The following GSK3B variants were observed in gnomAD, a reference collection of about 807,000 sequenced individuals.
GSK3B encodes the protein glycogen synthase kinase 3 beta, also known as glycogen synthase kinase-3 beta.
GSK3B carries 15 observed loss-of-function variants against 56.4 expected under a neutral mutation model. The ratio of observed to expected loss-of-function variants is 0.27; its 90% CI spans 0.18 to 0.41. GSK3B has a LOEUF of 0.41. Among genes scored for constraint, GSK3B ranks in the 10% least tolerant of loss-of-function variants. The pLI is 1.00. For synonymous variants in GSK3B, 181 were observed against 188.9 expected, an observed-to-expected ratio of 0.96 and a Z score of 0.34; for missense variants, 300 against 513.4, an observed-to-expected ratio of 0.58 and a Z score of 4.02.
chr3:120,046,512 T>A (rs956008442), intron 1 of GSK3B, among the ~76,000 whole-genome samples: 1 of 152,100 alleles, frequency 6.6e-6, no homozygotes, highest in Non-Finnish European at 1.5e-5. Flanking sequence ...TCTTAAAAAG[T>A]AAGAAAGAAA....
chr3:119,863,615 A>G lies in GSK3B; in HGVS notation c.910-10T>C. 2 of 1,533,742 alleles carry G rather than the reference A, an allele frequency of 1.3e-6. No homozygotes were observed. Among genetic ancestry groups the G allele is most frequent in the Non-Finnish European group, 1.8e-6 (2 of 1,110,680 alleles). On this transcript the variant is annotated splice_polypyrimidine_tract_variant and intron_variant, in intron 8 of 10. Coordinates refer to ENST00000264235, the MANE Select transcript of GSK3B (RefSeq NM_001146156.2). The stretch of plus-strand genomic sequence containing the variant: ...TTCGGGGTCGGAAGACCTGCAGTAC[A>G]AAAAAAGGGAAAGAACAATTAATGT...
At chr3:120,087,905 T>G (rs985431412) in intron 1 of GSK3B, among the ~76,000 whole-genome samples, 2 of 152,148 alleles carry the variant, frequency 1.3e-5, no homozygotes, top group Admixed American at 6.5e-5. Context: ...GTTTTGTTTT[T>G]TTTTTGAGAC....
chr3:119,874,372 C>T (rs2056283632), intron 8 of GSK3B, among the ~76,000 whole-genome samples: 1 of 151,926 alleles, frequency 6.6e-6, no homozygotes, highest in South Asian at 2.1e-4. Context: ...ACAACAATAA[C>T]TAATAATAAA....
At chr3:120,021,228 G>A (rs529596326) in intron 1 of GSK3B, among the ~76,000 whole-genome samples, 66 of 152,144 alleles carry the variant, frequency 4.3e-4, no homozygotes, top group East Asian at 7.7e-4. Context: ...ATGATTCAGC[G>A]GGTGCGGTGG....
In GSK3B at chr3:119,998,619, T is replaced by C. The variant is rs1222043066; in HGVS notation, c.282+3427A>G. Among the ~76,000 whole-genome samples, 4 of 151,816 alleles carry C rather than the reference T, an allele frequency of 2.6e-5. No individual in the cohort carries two copies. The East Asian group carries it at 7.7e-4, about 29-fold the overall frequency. On this transcript the variant is annotated intron_variant, in intron 2 of 10. Coordinates refer to ENST00000264235, the MANE Select transcript of GSK3B (RefSeq NM_001146156.2). ...AGGAAGACACACACTCTAAAAGGGG[T>C]AAAAAGGGTCACAACATGTAAAATG...
chr3:120,026,698 C>T (rs1250374710), intron 1 of GSK3B, among the ~76,000 whole-genome samples: 1 of 150,870 alleles, frequency 6.6e-6, no homozygotes, highest in Non-Finnish European at 1.5e-5. Context: ...GCTGGGATTA[C>T]AGGCGCGCAC....
At chr3:120,069,423 C>T (rs898729576) in intron 1 of GSK3B, among the ~76,000 whole-genome samples, 9 of 152,148 alleles carry the variant, frequency 5.9e-5, no homozygotes, top group South Asian at 4.1e-4. Context: ...ATAGCCTTCA[C>T]GGTACTGAAT....
intron 1 of GSK3B, among the ~76,000 whole-genome samples, chr3:120,025,893 TC>T (rs2057918857): frequency 6.6e-6 from 1 of 152,208 alleles, no homozygotes; most frequent in Non-Finnish European, 1.5e-5. Flanking sequence ...TCAAGCAATG[TC>T]CTTTTTAGGC....
intron 8 of GSK3B, among the ~76,000 whole-genome samples, chr3:119,872,629 G>C (rs552152326): frequency 6.6e-6 from 1 of 152,220 alleles, no homozygotes; most frequent in South Asian, 2.1e-4. Flanking sequence ...TGATATGATG[G>C]TGGCCTAAAC....
intron 10 of GSK3B, among the ~76,000 whole-genome samples, chr3:119,838,444 C>A (rs370069499): frequency 1.7e-3 from 252 of 152,202 alleles, no homozygotes; most frequent in African/African-American, 5.8e-3. Context: ...GGAAAAAAAT[C>A]AACATCCATA....
rs572247483 is a variant in GSK3B at position 119,824,798 on chromosome 3, G to C, written c.*1990C>G. 1 of 185,386 alleles carries C rather than the reference G, an allele frequency of 5.4e-6. No individual in the cohort carries two copies. Among genetic ancestry groups the C allele is most frequent in the African/African-American group, 2.3e-5 (1 of 42,714 alleles). The allele number at this position is 185,386 out of a possible 1,614,324, so 11.5% of individuals were successfully genotyped here. Reference sequence around the variant, plus strand: ...ACCCCTTTTGTGGCCCAAGACCTCAGCTAAACAGCGAGTGAAAACCAAGAT... The same window carrying C: ...ACCCCTTTTGTGGCCCAAGACCTCACCTAAACAGCGAGTGAAAACCAAGAT... On this transcript the variant is annotated 3_prime_UTR_variant, in exon 11 of 11. Transcript: ENST00000264235.
intron 10 of GSK3B, among the ~76,000 whole-genome samples, chr3:119,839,879 G>T (rs1355513126): frequency 2.6e-5 from 4 of 152,084 alleles, no homozygotes; most frequent in Non-Finnish European, 5.9e-5. Flanking sequence ...TTCGCCCCAG[G>T]GTATGTGGGG....
intron 2 of GSK3B, among the ~76,000 whole-genome samples, chr3:119,998,312 G>A (rs1380664784): frequency 6.6e-6 from 1 of 152,182 alleles, no homozygotes; most frequent in Non-Finnish European, 1.5e-5. Flanking sequence ...GAAGCTAACT[G>A]GTAAGACCTC....
At chr3:120,057,192 T>C (rs1198713607) in intron 1 of GSK3B, among the ~76,000 whole-genome samples, 2 of 152,116 alleles carry the variant, frequency 1.3e-5, no homozygotes, top group Non-Finnish European at 2.9e-5. Context: ...TTACTAGTAA[T>C]CAAAGCAATG....
At position 119,825,853 on chromosome 3, in the gene GSK3B, C is replaced by T. The variant is rs1218535837; in HGVS notation, c.*935G>A. The stretch of plus-strand genomic sequence containing the variant: ...AAGTAACTTTAGAAAAAAATCTGGA[C>T]AAACTTATTCACAGTGGTGAGATGT... On this transcript the variant is annotated 3_prime_UTR_variant, in exon 11 of 11. Coordinates refer to ENST00000264235, the MANE Select transcript of GSK3B (RefSeq NM_001146156.2). 4.6e-6 allele frequency: 1 copy of T among 218,474 alleles called. No individual in the cohort carries two copies. The highest frequency in any genetic ancestry group is 9.2e-6 in the Non-Finnish European group (1 of 108,936). The allele number at this position is 218,474 out of a possible 1,614,324, so 13.5% of individuals were successfully genotyped here. A position where few individuals can be genotyped will look rare whatever the true frequency, so the allele number is the denominator to read the frequency against.
At chr3:119,985,352 G>T (rs2057505900) in intron 2 of GSK3B, among the ~76,000 whole-genome samples, 1 of 152,140 alleles carries the variant, frequency 6.6e-6, no homozygotes, top group East Asian at 1.9e-4. Flanking sequence ...TCAGGCAAGA[G>T]AAAGAAATAA....
intron 1 of GSK3B, among the ~76,000 whole-genome samples, chr3:120,067,968 T>C (rs897049039): frequency 6.6e-6 from 1 of 152,254 alleles, no homozygotes; most frequent in Non-Finnish European, 1.5e-5. Flanking sequence ...GATCTGATGT[T>C]ACAGAATTCT....
chr3:119,877,171 CA>C (rs1420479993), intron 7 of GSK3B, among the ~76,000 whole-genome samples: 2 of 152,064 alleles, frequency 1.3e-5, no homozygotes, highest in African/African-American at 4.8e-5. Context: ...AAGTAAAAAT[CA>C]GATATCTTTA....
At chr3:120,078,116 A>G (rs551035378) in intron 1 of GSK3B, among the ~76,000 whole-genome samples, 16 of 152,090 alleles carry the variant, frequency 1.1e-4, no homozygotes, top group Non-Finnish European at 2.1e-4. Flanking sequence ...ATCTATCATG[A>G]CCACAAACTT....
Sources: allele counts gnomAD v4.1 joint callset (sites outside exome capture counted in the v4.1 genomes callset), GRCh38; gene constraint gnomAD v4.1.1; transcripts MANE v1.5; gene names NCBI Gene and HGNC (gene_info 2026-07-23, HGNC 2026-07-21).